SNUPN: variants seen among roughly 807,000 people sequenced by gnomAD.
The protein encoded by SNUPN is snurportin 1.
A neutral mutation model predicts 39.2 loss-of-function variants in SNUPN; 31 were observed. The ratio of observed to expected loss-of-function variants is 0.79; its 90% CI spans 0.59 to 1.07. The LOEUF is 1.07. Ranked by LOEUF, SNUPN falls within the 50% of genes least tolerant of loss-of-function variation. The pLI, the probability that SNUPN is intolerant of heterozygous loss-of-function variation, is 0.00. For missense variants in SNUPN, 382 were observed against 434.2 expected, an observed-to-expected ratio of 0.88 and a Z score of 1.07; for synonymous variants, 132 against 159.0, an observed-to-expected ratio of 0.83 and a Z score of 1.28.
intron 8 of SNUPN, among the ~76,000 whole-genome samples, chr15:75,600,290 T>G (rs572117031): frequency 1.3e-5 from 2 of 151,880 alleles, no homozygotes; most frequent in South Asian, 4.2e-4. Context: ...GTTTTTTTTT[T>G]TTGAGACAGA....
intron 3 of SNUPN, among the ~76,000 whole-genome samples, chr15:75,613,491 A>C (rs946998848): frequency 6.6e-5 from 10 of 150,880 alleles, no homozygotes; most frequent in African/African-American, 2.0e-4. Context: ...AAAAATACAA[A>C]AATTAGCCGG....
chr15:75,609,172 G>GTTT (rs1208205472), intron 5 of SNUPN, among the ~76,000 whole-genome samples: 2 of 141,828 alleles, frequency 1.4e-5, no homozygotes, highest in Admixed American at 7.0e-5. Flanking sequence ...ATCAAAGTGG[G>GTTT]TCTTTTTTTT....
At chr15:75,613,275 A>G (rs567226978) in intron 3 of SNUPN, among the ~76,000 whole-genome samples, 100 of 150,576 alleles carry the variant, frequency 6.6e-4, no homozygotes, top group African/African-American at 2.3e-3. Context: ...AAAAAAAAAA[A>G]AAAAAAAGAG....
At chr15:75,613,651 A>AG (rs1892856232) in intron 3 of SNUPN, among the ~76,000 whole-genome samples, 1 of 151,460 alleles carries the variant, frequency 6.6e-6, no homozygotes, top group African/African-American at 2.4e-5. Flanking sequence ...TCAAAAAAAA[A>AG]AAAAAAGAAA....
intron 8 of SNUPN, 46 bp from the exon 9 acceptor site, chr15:75,598,727 C>T (rs375561516): frequency 6.7e-7 from 1 of 1,486,876 alleles, no homozygotes; most frequent in South Asian, 1.3e-5. Context: ...TCTGGGGCCA[C>T]ATGTTTCCAG....
At chr15:75,612,664 G>A (rs1166284652) in intron 3 of SNUPN, among the ~76,000 whole-genome samples, 1 of 151,814 alleles carries the variant, frequency 6.6e-6, no homozygotes, top group Non-Finnish European at 1.5e-5. Flanking sequence ...ATCTCTTTCT[G>A]TTTGTCTCCT....
Position 75,598,170 on chromosome 15 carries a change from C to T in SNUPN, c.*188G>A, listed in dbSNP as rs540518086. ...GCTGCTCAAATCAATCTGAATGCTA[C>T]GCAATCTGGGAACCTCCCCATAACT... On this transcript the variant is annotated 3_prime_UTR_variant, in exon 9 of 9. Transcript: ENST00000308588. 200 of 566,432 alleles carry T rather than the reference C, an allele frequency of 3.5e-4. No homozygotes were observed. The highest frequency in any genetic ancestry group is 1.8e-3 in the Middle Eastern group (4 of 2,166). The allele number at this position is 566,432 out of a possible 1,614,324, so 35.1% of individuals were successfully genotyped here. A position where few individuals can be genotyped will look rare whatever the true frequency, so the allele number is the denominator to read the frequency against.
rs1393483338 is a variant in SNUPN at position 75,598,580 on chromosome 15, A to G, written c.861T>C (p.Gly287=). ...LRPYMVSDVL[G]VAVPAGPLTT... ...TCAGCGGGCCAGCCGGCACAGCTAC[A>G]CCAAGGACATCTGACACCATGTAGG... The change falls in exon 9 of 9, where the codon GGT becomes GGC. Residue 287 remains glycine, a synonymous_variant. Coordinates refer to ENST00000308588, the MANE Select transcript of SNUPN (RefSeq NM_005701.4). 6.2e-7 allele frequency: 1 copy of G among 1,614,228 alleles called. No homozygotes were observed. Among genetic ancestry groups the G allele is most frequent in the Non-Finnish European group, 8.5e-7 (1 of 1,180,044 alleles).
upstream of SNUPN, chr15:75,625,964 G>A (rs1232279382): frequency 6.6e-6 from 1 of 152,368 alleles, no homozygotes; most frequent in African/African-American, 2.4e-5. Context: ...TGACCAGGCC[G>A]AGGCCTCCCT....
At chr15:75,603,836 A>G (rs569102916) in intron 7 of SNUPN, among the ~76,000 whole-genome samples, 95 of 152,302 alleles carry the variant, frequency 6.2e-4, no homozygotes, top group African/African-American at 2.2e-3. Flanking sequence ...TTTAGACTGA[A>G]GCAGCATAAC....
intron 7 of SNUPN, among the ~76,000 whole-genome samples, chr15:75,603,660 CAA>C (rs775817247): frequency 4.8e-4 from 21 of 44,134 alleles, no homozygotes; most frequent in Non-Finnish European, 5.2e-4. Context: ...GACTCTGTCT[CAA>C]AAAAAAAAAA....
intron 7 of SNUPN, among the ~76,000 whole-genome samples, chr15:75,604,833 C>G (rs920991945): frequency 2.6e-5 from 4 of 152,038 alleles, no homozygotes; most frequent in Non-Finnish European, 4.4e-5. Context: ...GTGCACCCAC[C>G]ACCCAAGCAG....
intron 3 of SNUPN, among the ~76,000 whole-genome samples, chr15:75,612,190 GC>G (rs1045099277): frequency 5.3e-5 from 8 of 151,902 alleles, no homozygotes; most frequent in African/African-American, 1.9e-4. Context: ...ACGCCACTAC[GC>G]CCGGCTCATT....
At chr15:75,603,406 A>G (rs1404325111) in intron 7 of SNUPN, among the ~76,000 whole-genome samples, 3 of 149,058 alleles carry the variant, frequency 2.0e-5, no homozygotes, top group Non-Finnish European at 3.0e-5. Flanking sequence ...TCACGCCTGT[A>G]ATCCCAGCAC....
Position 75,598,602 on chromosome 15 carries a change from T to C in SNUPN, c.839A>G (p.Tyr280Cys). 1 of 1,614,108 alleles carries C rather than the reference T, an allele frequency of 6.2e-7. No individual in the cohort carries two copies. Among genetic ancestry groups the C allele is most frequent in the African/African-American group, 1.3e-5 (1 of 75,042 alleles). ...TACACCAAGGACATCTGACACCATG[T>C]AGGGGCGCAGCCAGCCCACCAAGGG... is the stretch of plus-strand genomic sequence containing the variant. Reference protein sequence around the residue: ...STPLVGWLRPYMVSDVLGVAV... With the variant: ...STPLVGWLRPCMVSDVLGVAV... Residue 280 changes from tyrosine to cysteine, a missense_variant, in exon 9 of 9, where the codon TAC becomes TGC. By Grantham distance (194) the Tyr-to-Cys change is radical. Coordinates refer to ENST00000308588, the MANE Select transcript of SNUPN (RefSeq NM_005701.4).
At chr15:75,626,355 A>G (rs1893227456), upstream of SNUPN, 1 of 152,184 alleles carries the variant, frequency 6.6e-6, no homozygotes, top group Admixed American at 6.6e-5. Flanking sequence ...AGCACAAGGG[A>G]TGGCGCTCAG....
chr15:75,619,132 G>T (rs1893008097), intron 2 of SNUPN, among the ~76,000 whole-genome samples: 1 of 147,594 alleles, frequency 6.8e-6, no homozygotes, highest in South Asian at 2.2e-4. Flanking sequence ...AGGAGTTCAA[G>T]ACCAGCTTGG....
intron 3 of SNUPN, among the ~76,000 whole-genome samples, chr15:75,615,594 A>ATTTTTTTTTTTTTTT (rs141302808): frequency 1.4e-5 from 1 of 73,976 alleles, no homozygotes; most frequent in Non-Finnish European, 2.5e-5. Context: ...AAGGAATCTC[A>ATTTTTTTTTTTTTTT]TTTTTTTTTT....
At chr15:75,607,924 C>A (rs1892675264) in intron 5 of SNUPN, among the ~76,000 whole-genome samples, 4 of 152,104 alleles carry the variant, frequency 2.6e-5, no homozygotes. Context: ...GCATTTCAGA[C>A]CCAAGTACTG....
Sources: allele counts gnomAD v4.1 joint callset (sites outside exome capture counted in the v4.1 genomes callset), GRCh38; gene constraint gnomAD v4.1.1; transcripts MANE v1.5; gene names NCBI Gene and HGNC (gene_info 2026-07-23, HGNC 2026-07-21).